Variants in CNIH1 observed in about 807,000 individuals in gnomAD.
The protein encoded by CNIH1 is cornichon family member 1, also known as protein cornichon homolog 1.
In CNIH1, 12 loss-of-function variants were observed where a neutral mutation model predicts 20.2. That is an observed-to-expected ratio of 0.59 (90% CI 0.38 to 0.96). The LOEUF is 0.96. Ranked by LOEUF, CNIH1 falls within the 40% of genes least tolerant of loss-of-function variation. The pLI, the probability that CNIH1 is intolerant of heterozygous loss-of-function variation, is 0.00. For synonymous variants in CNIH1, 69 were observed against 63.3 expected (o/e 1.09, Z -0.43); for missense variants, 152 against 178.8 (o/e 0.85, Z 0.85).
intron 4 of CNIH1, among the ~76,000 whole-genome samples, chr14:54,429,624 T>C (rs1594615937): frequency 1.3e-5 from 2 of 152,222 alleles, no homozygotes; most frequent in Admixed American, 6.5e-5. Flanking sequence ...CCGGGCGTGG[T>C]GGTGCACGCC....
chr14:54,436,601 G>T (rs537586002), intron 1 of CNIH1, 164 bp from the exon 2 acceptor site: 12 of 590,838 alleles, frequency 2.0e-5, no homozygotes, highest in Non-Finnish European at 3.3e-5. Context: ...AAAAGAACCA[G>T]AATGCGATTT....
In CNIH1 at chr14:54,427,438, T is replaced by C. The variant is rs746790873; in HGVS notation, c.*376A>G. ...AATTTATAATTAGATACTGTTTCAATGAAACCAAAATGAGCCCTACAAGTT... is the reference window on the plus strand; with the variant it reads ...AATTTATAATTAGATACTGTTTCAACGAAACCAAAATGAGCCCTACAAGTT... On this transcript the variant is annotated 3_prime_UTR_variant, in exon 5 of 5. Transcript: ENST00000216416. 94 of 184,076 alleles carry C rather than the reference T, an allele frequency of 5.1e-4. No individual in the cohort carries two copies. The highest frequency in any genetic ancestry group is 7.1e-4 in the Non-Finnish European group (63 of 89,354). The allele number at this position is 184,076 out of a possible 1,614,324, so 11.4% of individuals were successfully genotyped here. A position where few individuals can be genotyped will look rare whatever the true frequency, so the allele number is the denominator to read the frequency against.
intron 4 of CNIH1, 186 bp downstream of exon 4, chr14:54,430,075 G>C (rs748862792): frequency 1.7e-6 from 1 of 586,962 alleles, no homozygotes; most frequent in Non-Finnish European, 3.0e-6. Context: ...TGGCAGGCTG[G>C]TTTACTGCCT....
rs1236062802 is a variant in CNIH1, at chr14:54,441,319, G to C, written c.9C>G (p.Phe3Leu). 1 of 1,512,622 alleles carries C rather than the reference G, an allele frequency of 6.6e-7. No homozygotes were observed. The highest frequency in any genetic ancestry group is 8.9e-7 in the Non-Finnish European group (1 of 1,125,900). 93.7% of individuals were successfully genotyped at this position (1,512,622 alleles called of 1,614,324 possible). Residue 3 changes from phenylalanine to leucine, a missense_variant, in exon 1 of 5, where the codon TTC (phenylalanine) becomes TTG (leucine). Coordinates refer to ENST00000216416, the MANE Select transcript of CNIH1 (RefSeq NM_005776.3). ...GCATGTAGCAGAAGGCCGCGAACGT[G>C]AACGCCATGGCTGGGGAGGAGGAGC... The part of the protein sequence containing the change: MA[F>L]TFAAFCYMLA...
At chr14:54,431,309 G>T (rs909210495) in intron 3 of CNIH1, among the ~76,000 whole-genome samples, 1 of 151,840 alleles carries the variant, frequency 6.6e-6, no homozygotes, top group African/African-American at 2.4e-5. Context: ...TGTATTTTTA[G>T]TTGAGACAGG....
At position 54,430,377 on chromosome 14, in the gene CNIH1, G is replaced by C; in HGVS notation, c.291C>G (p.Gly97=). 2 of 1,614,048 alleles carry C rather than the reference G, an allele frequency of 1.2e-6. No homozygotes were observed. Among genetic ancestry groups the C allele is most frequent in the South Asian group, 1.1e-5 (1 of 91,074 alleles). The part of the protein sequence containing the change: ...WRYMSRPVMS[G]PGLYDPTTIM... ...TGGTTGTAGGGTCATAGAGTCCTGG[G>C]CCACTCATCACTGGTCTACTCATAT... The change falls in exon 4 of 5, where the codon GGC becomes GGG. Residue 97 remains glycine, a synonymous_variant. Transcript: ENST00000216416.
chr14:54,428,354 A>G (rs1332085406), intron 4 of CNIH1, among the ~76,000 whole-genome samples: 2 of 152,230 alleles, frequency 1.3e-5, no homozygotes, highest in Non-Finnish European at 2.9e-5. Flanking sequence ...GGAAGTGGTT[A>G]AAAAAGAAAA....
At position 54,425,439 on chromosome 14, in the gene CNIH1, C is replaced by T. The variant is rs1171021733; in HGVS notation, c.*2375G>A. 2 of 151,834 alleles carry T rather than the reference C, an allele frequency of 1.3e-5. No homozygotes were observed. The highest frequency in any genetic ancestry group is 2.9e-5 in the Non-Finnish European group (2 of 67,986). The allele number at this position is 151,834 out of a possible 1,614,324, so 9.4% of individuals were successfully genotyped here. A position where few individuals can be genotyped will look rare whatever the true frequency, so the allele number is the denominator to read the frequency against. ...CTGTTGCTGCACAGGGAATGTTTAA[C>T]GTAAACTGAATTATAAACCCAGGCT... is the stretch of plus-strand genomic sequence containing the variant. On this transcript the variant is annotated 3_prime_UTR_variant, in exon 5 of 5. Transcript: ENST00000216416.
intron 4 of CNIH1, 145 bp from the exon 5 acceptor site, chr14:54,427,986 C>A: frequency 1.2e-6 from 1 of 808,876 alleles, no homozygotes; most frequent in South Asian, 1.7e-5. Flanking sequence ...TTTTAATTTG[C>A]ATTTATGGAC....
At chr14:54,436,542 A>C in intron 1 of CNIH1, 105 bp from the exon 2 acceptor site, 1 of 666,090 alleles carries the variant, frequency 1.5e-6, no homozygotes, top group South Asian at 1.8e-5. Context: ...CAAGAACAAA[A>C]GTACACCAAG....
At chr14:54,428,235 C>A (rs1456433878) in intron 4 of CNIH1, among the ~76,000 whole-genome samples, 1 of 152,124 alleles carries the variant, frequency 6.6e-6, no homozygotes, top group African/African-American at 2.4e-5. Context: ...CTTAATCCTT[C>A]AAGGAGTCCT....
intron 4 of CNIH1, chr14:54,430,056 T>C: frequency 1.8e-6 from 1 of 542,984 alleles, no homozygotes. Context: ...CCAAACCTTC[T>C]GCCTCTGATG....
intron 1 of CNIH1, chr14:54,436,860 G>A: frequency 2.4e-6 from 1 of 418,752 alleles, no homozygotes; most frequent in Non-Finnish European, 4.6e-6. Flanking sequence ...AGAAGTAATT[G>A]CCCACATCTC....
intron 4 of CNIH1, among the ~76,000 whole-genome samples, chr14:54,429,319 T>G (rs1459493365): frequency 6.6e-6 from 1 of 151,984 alleles, no homozygotes; most frequent in East Asian, 1.9e-4. Flanking sequence ...TGGCAACTAG[T>G]GGGTAAAGGC....
intron 1 of CNIH1, among the ~76,000 whole-genome samples, chr14:54,440,690 G>A (rs1220206315): frequency 2.0e-5 from 3 of 152,096 alleles, no homozygotes; most frequent in Non-Finnish European, 2.9e-5. Flanking sequence ...TTGCATCAAA[G>A]TTCACCAGGA....
In CNIH1 at chr14:54,423,662, CATT is replaced by C. The variant is rs2030772380; in HGVS notation, c.*4149_*4151del. 1 of 152,202 alleles carries C rather than the reference CATT, an allele frequency of 6.6e-6. No individual in the cohort carries two copies. The highest frequency in any genetic ancestry group is 1.5e-5 in the Non-Finnish European group (1 of 68,036). 9.4% of individuals were successfully genotyped at this position (152,202 alleles called of 1,614,324 possible). ...TTTCTGTGGACAGCGGACACAGCAC[CATT>C]AAGGTTAGCTTAGATTTGAACAAAC... is the stretch of plus-strand genomic sequence containing the variant. On this transcript the variant is annotated 3_prime_UTR_variant, in exon 5 of 5. Transcript: ENST00000216416.
At chr14:54,439,453 T>G (rs931067182) in intron 1 of CNIH1, among the ~76,000 whole-genome samples, 1 of 151,958 alleles carries the variant, frequency 6.6e-6, no homozygotes, top group African/African-American at 2.4e-5. Flanking sequence ...CCCACCACTC[T>G]AAGAATCCCC....
intron 2 of CNIH1, 131 bp from the exon 3 acceptor site, chr14:54,432,351 C>G: frequency 2.0e-6 from 1 of 509,602 alleles, no homozygotes; most frequent in Non-Finnish European, 3.5e-6. Flanking sequence ...ATAAAAGATG[C>G]TACTGAGTTT....
At chr14:54,429,417 C>A (rs964347968) in intron 4 of CNIH1, among the ~76,000 whole-genome samples, 1 of 152,294 alleles carries the variant, frequency 6.6e-6, no homozygotes, top group African/African-American at 2.4e-5. Flanking sequence ...AGTGCCGAAG[C>A]TGAGACACCC....
Sources: gnomAD v4.1 joint callset for allele counts (sites outside exome capture counted in the v4.1 genomes callset) on GRCh38, gnomAD v4.1.1 for gene constraint, MANE v1.5 for transcripts, NCBI Gene and HGNC (gene_info 2026-07-23, HGNC 2026-07-21) for gene names.